Variants in IL31RA observed in about 807,000 individuals in gnomAD.
The protein encoded by IL31RA is interleukin-31 receptor subunit alpha.
IL31RA carries 66 observed loss-of-function variants against 83.7 expected under a neutral mutation model. That is an observed-to-expected ratio of 0.79 (90% confidence interval 0.65 to 0.97). The LOEUF is 0.97. Ranked by LOEUF, IL31RA falls within the 50% of genes least tolerant of loss-of-function variation. The pLI is 0.00. For synonymous variants in IL31RA, 325 were observed against 329.0 expected (o/e 0.99, Z 0.13); for missense variants, 798 against 919.4 (o/e 0.87, Z 1.71).
chr5:55,893,123 A>T (rs1748116113), intron 6 of IL31RA, among the ~76,000 whole-genome samples: 1 of 152,244 alleles, frequency 6.6e-6, no homozygotes, highest in South Asian at 2.1e-4. Context: ...TATATTGATT[A>T]TTAGAGTTAC....
chr5:55,907,207 G>C lies in IL31RA; in HGVS notation c.1253-152G>C. ...TCTGAGAAAAGCAATAGATATTAGA[G>C]ACCATTCAACCTAACCTGTTTATTT... On this transcript the variant is annotated intron_variant, in intron 9 of 14. Transcript: ENST00000652347. 8.0e-6 allele frequency: 5 copies of C among 627,426 alleles called. No homozygotes were observed. In the South Asian group the frequency reaches 9.3e-5, roughly 12 times the overall value. The allele number at this position is 627,426 out of a possible 1,614,324, so 38.9% of individuals were successfully genotyped here.
intron 6 of IL31RA, among the ~76,000 whole-genome samples, chr5:55,892,650 A>G (rs1748074295): frequency 1.3e-5 from 2 of 152,132 alleles, no homozygotes; most frequent in East Asian, 1.9e-4. Flanking sequence ...CTTGGGTGCC[A>G]TTGTGTTTTG....
At chr5:55,894,542 T>C (rs1260888326) in intron 6 of IL31RA, among the ~76,000 whole-genome samples, 6 of 152,228 alleles carry the variant, frequency 3.9e-5, no homozygotes, top group Admixed American at 3.9e-4. Flanking sequence ...ATTTATCTCA[T>C]TGGGAGATCC....
upstream of IL31RA, among the ~76,000 whole-genome samples, chr5:55,846,493 A>G (rs1374243637): frequency 2.0e-5 from 3 of 152,198 alleles, no homozygotes; most frequent in Admixed American, 6.5e-5. Context: ...CAAATCAGAG[A>G]CTGAGTTTTC....
At chr5:55,886,935 C>G (rs1278394901) in intron 5 of IL31RA, among the ~76,000 whole-genome samples, 2 of 152,220 alleles carry the variant, frequency 1.3e-5, no homozygotes, top group African/African-American at 4.8e-5. Flanking sequence ...TGTCATTGCA[C>G]TTAACAGCAA....
rs1445342056 is a variant in IL31RA, at chr5:55,921,600, C to T, written c.*4480C>T. Among the ~76,000 whole-genome samples, 1 of 152,210 alleles carries T rather than the reference C, an allele frequency of 6.6e-6. No homozygotes were observed. Among genetic ancestry groups the T allele is most frequent in the African/African-American group, 2.4e-5 (1 of 41,446 alleles). On this transcript the variant is annotated 3_prime_UTR_variant, in exon 15 of 15. Transcript: ENST00000652347. ...AAGGTTATGCTGATTTACAGTATCA[C>T]CAGACATGTCTGACGGATCCTTTGT...
At chr5:55,886,540 T>C (rs2112457181) in intron 5 of IL31RA, among the ~76,000 whole-genome samples, 1 of 152,154 alleles carries the variant, frequency 6.6e-6, no homozygotes, top group East Asian at 1.9e-4. Flanking sequence ...TCCCAAAGTG[T>C]TGGGATTATG....
At chr5:55,872,243 C>T (rs368323418) in intron 3 of IL31RA, 27 bp from the exon 4 acceptor site, 6 of 1,541,276 alleles carry the variant, frequency 3.9e-6, no homozygotes, top group Non-Finnish European at 5.4e-6. Flanking sequence ...GTACTAAACT[C>T]ATGTTGAATC....
chr5:55,890,907 C>T (rs906042875), intron 6 of IL31RA, among the ~76,000 whole-genome samples: 11 of 152,198 alleles, frequency 7.2e-5, no homozygotes, highest in Admixed American at 2.6e-4. Context: ...AAATCCCAAG[C>T]CAGGTGTCTT....
chr5:55,864,508 A>G (rs1745904846), intron 2 of IL31RA, among the ~76,000 whole-genome samples: 1 of 149,372 alleles, frequency 6.7e-6, no homozygotes, highest in Non-Finnish European at 1.5e-5. Flanking sequence ...TACTACACAC[A>G]CCACACTACA....
chr5:55,893,936 C>T (rs1169226859), intron 6 of IL31RA, among the ~76,000 whole-genome samples: 4 of 151,652 alleles, frequency 2.6e-5, no homozygotes, highest in South Asian at 2.1e-4. Context: ...CTCAGCCTCC[C>T]GAATAGCTGG....
intron 7 of IL31RA, among the ~76,000 whole-genome samples, chr5:55,898,028 T>TGCGGAG (rs1580721017): frequency 1.3e-5 from 2 of 152,214 alleles, no homozygotes; most frequent in African/African-American, 4.8e-5. Flanking sequence ...CTCCCTGGGT[T>TGCGGAG]GCGGAGGCGG....
intron 6 of IL31RA, among the ~76,000 whole-genome samples, chr5:55,896,019 G>A (rs569251523): frequency 1.4e-4 from 21 of 152,200 alleles, no homozygotes; most frequent in Non-Finnish European, 2.1e-4. Context: ...TAATATATAT[G>A]TTAGATCTAG....
In IL31RA at chr5:55,917,316, A is replaced by G. The variant is rs1042498524; in HGVS notation, c.*196A>G. The G allele has an allele frequency of 1.8e-5, 26 of 1,464,382 alleles. No homozygotes were observed. Among genetic ancestry groups the G allele is most frequent in the Middle Eastern group, 2.5e-4 (1 of 3,992 alleles). 90.7% of individuals were successfully genotyped at this position (1,464,382 alleles called of 1,614,324 possible). Reference sequence around the variant, plus strand: ...TGTACTGGGAAGAAGGGATGGTGATAAGCCCGAGTTTTGTAAAGGAACAGC... The same window carrying G: ...TGTACTGGGAAGAAGGGATGGTGATGAGCCCGAGTTTTGTAAAGGAACAGC... On this transcript the variant is annotated 3_prime_UTR_variant, in exon 15 of 15. Coordinates refer to ENST00000652347, the MANE Select transcript of IL31RA (RefSeq NM_139017.7).
chr5:55,922,511 G>A lies in IL31RA; in HGVS notation c.*5391G>A. The A allele has an allele frequency of 8.1e-7, 1 of 1,227,464 alleles. No homozygotes were observed. Among genetic ancestry groups the A allele is most frequent in the Non-Finnish European group, 1.2e-6 (1 of 862,730 alleles). 76.0% of individuals were successfully genotyped at this position (1,227,464 alleles called of 1,614,324 possible). On this transcript the variant is annotated 3_prime_UTR_variant, in exon 15 of 15. Transcript: ENST00000652347. ...ACATGCAGAGTTTTCCAACTAGGAAGACTGAATCTGTGGCCCCAAGAGAAC... is the reference window on the plus strand; with the variant it reads ...ACATGCAGAGTTTTCCAACTAGGAAAACTGAATCTGTGGCCCCAAGAGAAC...
intron 2 of IL31RA, among the ~76,000 whole-genome samples, chr5:55,868,398 G>A (rs926800323): frequency 6.6e-6 from 1 of 152,140 alleles, no homozygotes; most frequent in Non-Finnish European, 1.5e-5. Context: ...TTGAAGTGTG[G>A]CATGGTTGTA....
the IL31RA span, among the ~76,000 whole-genome samples, chr5:55,842,444 C>T: frequency 6.6e-6 from 1 of 152,280 alleles, no homozygotes; most frequent in African/African-American, 2.4e-5. Flanking sequence ...CTTTGAGGCC[C>T]CATTGCAGGT....
chr5:55,840,803 G>T, the IL31RA span, among the ~76,000 whole-genome samples: 1 of 152,080 alleles, frequency 6.6e-6, no homozygotes. Context: ...TTAAATGCTT[G>T]CCCTGAATAT....
At chr5:55,908,944 C>A in intron 11 of IL31RA, 1 of 1,046,338 alleles carries the variant, frequency 9.6e-7, no homozygotes, top group Non-Finnish European at 1.2e-6. Flanking sequence ...AATTTAGTGG[C>A]ATTAGAAGCA....
Sources: allele counts gnomAD v4.1 joint callset (sites outside exome capture counted in the v4.1 genomes callset), GRCh38; gene constraint gnomAD v4.1.1; transcripts MANE v1.5; gene names NCBI Gene and HGNC (gene_info 2026-07-23, HGNC 2026-07-21).